AUTS2: variants seen among roughly 807,000 people sequenced by gnomAD.
AUTS2 encodes activator of transcription and developmental regulator AUTS2.
In AUTS2, 17 loss-of-function variants were observed where a neutral mutation model predicts 112.4. The observed-to-expected ratio is 0.15, with a 90% CI of 0.10 to 0.23. The LOEUF is 0.23. Ranked by LOEUF, AUTS2 falls within the 10% of genes least tolerant of loss-of-function variation. The pLI, the probability that AUTS2 is intolerant of heterozygous loss-of-function variation, is 1.00. For synonymous variants in AUTS2, 751 were observed against 702.7 expected, an observed-to-expected ratio of 1.07 and a Z score of -1.09; for missense variants, 1,510 against 1,701.6, an observed-to-expected ratio of 0.89 and a Z score of 1.98.
intron 6 of AUTS2, among the ~76,000 whole-genome samples, chr7:70,723,458 G>A (rs1786818118): frequency 6.6e-6 from 1 of 151,948 alleles, no homozygotes; most frequent in African/African-American, 2.4e-5. Context: ...GGACCAGTGG[G>A]CTGGCAAATG....
intron 4 of AUTS2, among the ~76,000 whole-genome samples, chr7:70,353,386 T>A (rs972355180): frequency 3.9e-5 from 6 of 152,172 alleles, no homozygotes; most frequent in Admixed American, 2.6e-4. Context: ...TATGGTTGTG[T>A]CCCTTAACCA....
intron 1 of AUTS2, among the ~76,000 whole-genome samples, chr7:69,680,554 T>A (rs1266343613): frequency 6.6e-6 from 1 of 152,220 alleles, no homozygotes; most frequent in Non-Finnish European, 1.5e-5. Context: ...CTCCAGAAAT[T>A]TTTCATCTTG....
rs79275953 is a variant in AUTS2 at position 69,968,582 on chromosome 7, C to G, written c.522+69084C>G. 6.1e-3 allele frequency among the ~76,000 whole-genome samples: 931 copies of G among 152,232 alleles called. 10 individuals are homozygous for G. The highest frequency in any genetic ancestry group is 0.021 in the African/African-American group (882 of 41,548). ...AGAGGTAGAGCATTGGACTGCAGAT[C>G]AAGAAATGAGATTTCCAGGAGGATC... On this transcript the variant is annotated intron_variant, in intron 2 of 18. Transcript: ENST00000342771.
intron 6 of AUTS2, among the ~76,000 whole-genome samples, chr7:70,707,250 G>C (rs1809788847): frequency 6.6e-6 from 1 of 152,200 alleles, no homozygotes; most frequent in African/African-American, 2.4e-5. Context: ...ACTGAAGTTA[G>C]ATATGAATAG....
At position 70,787,350 on chromosome 7, in the gene AUTS2, G is replaced by T. The variant is rs150219264; in HGVS notation, c.2450G>T (p.Arg817Leu). The change falls in exon 18 of 19, where the codon CGC becomes CTC. Residue 817 changes from arginine to leucine, a missense_variant. Around this residue, in one of 3 missense-constraint regions of AUTS2, gnomAD observed 788 missense variants for 797.6 expected, o/e 0.99. Coordinates refer to ENST00000342771, the MANE Select transcript of AUTS2 (RefSeq NM_015570.4). ...PPWLKPGELE[R>L]SASAAAHDRD... ...TGGCTGAAGCCAGGGGAGCTGGAGC[G>T]CAGCGCGTCCGCTGCAGCTCATGAC... 3.1e-6 allele frequency: 5 copies of T among 1,613,924 alleles called. No homozygotes were observed. The highest frequency in any genetic ancestry group is 4.2e-6 in the Non-Finnish European group (5 of 1,179,926).
intron 1 of AUTS2, among the ~76,000 whole-genome samples, chr7:69,701,275 T>C (rs1002335276): frequency 6.6e-6 from 1 of 152,236 alleles, no homozygotes; most frequent in South Asian, 2.1e-4. Flanking sequence ...TCAGAGGCCA[T>C]GCAATAAAAT....
At chr7:70,217,932 G>T (rs548717666) in intron 4 of AUTS2, among the ~76,000 whole-genome samples, 1 of 152,196 alleles carries the variant, frequency 6.6e-6, no homozygotes, top group Admixed American at 6.5e-5. Context: ...GTGTTTTCTG[G>T]TTTTTGTTTG....
chr7:69,634,114 A>ATT (rs1490560143), intron 1 of AUTS2, among the ~76,000 whole-genome samples: 4 of 150,380 alleles, frequency 2.7e-5, no homozygotes, highest in African/African-American at 9.8e-5. Context: ...GCCTCACCAG[A>ATT]CTTGATTATT....
chr7:70,278,630 C>G (rs1366683517), intron 4 of AUTS2, among the ~76,000 whole-genome samples: 2 of 149,560 alleles, frequency 1.3e-5, no homozygotes, highest in Admixed American at 1.3e-4. Context: ...TACATATGTA[C>G]ATGCATACAT....
intron 4 of AUTS2, among the ~76,000 whole-genome samples, chr7:70,207,741 G>A (rs1810642319): frequency 6.6e-6 from 1 of 152,154 alleles, no homozygotes; most frequent in African/African-American, 2.4e-5. Context: ...GCTGGGCATG[G>A]TGGCTCACGC....
intron 1 of AUTS2, among the ~76,000 whole-genome samples, chr7:69,773,458 CAAAAA>C (rs746707793): frequency 3.5e-5 from 2 of 56,398 alleles, no homozygotes. Flanking sequence ...AGGCACAGAC[CAAAAA>C]AAAAAAAAAA....
At chr7:70,326,371 T>G (rs889615319) in intron 4 of AUTS2, among the ~76,000 whole-genome samples, 4 of 152,218 alleles carry the variant, frequency 2.6e-5, no homozygotes, top group African/African-American at 7.2e-5. Flanking sequence ...GTTTTGGGGT[T>G]TTCCTTACTC....
At chr7:70,216,431 C>A (rs913828787) in intron 4 of AUTS2, among the ~76,000 whole-genome samples, 2 of 152,198 alleles carry the variant, frequency 1.3e-5, no homozygotes, top group Admixed American at 1.3e-4. Flanking sequence ...TTAGCAGATG[C>A]TCCTGGTGTC....
At chr7:69,605,689 C>T (rs764382279) in intron 1 of AUTS2, among the ~76,000 whole-genome samples, 8 of 152,188 alleles carry the variant, frequency 5.3e-5, no homozygotes, top group Non-Finnish European at 1.0e-4. Flanking sequence ...CGCTCTTTTG[C>T]TGTTACATAG....
At chr7:70,782,990 C>T (rs963375754) in intron 15 of AUTS2, 2 of 152,196 alleles carry the variant, frequency 1.3e-5, no homozygotes, top group Non-Finnish European at 2.9e-5. Context: ...GGCACCTAGG[C>T]TCTGAGACAG....
rs764985168 is a variant in AUTS2, at chr7:70,601,781, T to C, written c.691-96788T>C. On this transcript the variant is annotated intron_variant, in intron 5 of 18. Transcript: ENST00000342771. The stretch of plus-strand genomic sequence containing the variant: ...GGGGATCTCAGGAGCCCAAGATTTC[T>C]TTCAAGATCATGACCTTCACCAGCC... Among the ~76,000 whole-genome samples, 21 of 152,272 alleles carry C rather than the reference T, an allele frequency of 1.4e-4. 1 individual carries two copies. Among genetic ancestry groups the C allele is most frequent in the Middle Eastern group, 6.8e-3 (2 of 294 alleles).
At chr7:69,780,644 G>T (rs1473010823) in intron 1 of AUTS2, among the ~76,000 whole-genome samples, 5 of 152,200 alleles carry the variant, frequency 3.3e-5, no homozygotes, top group African/African-American at 1.2e-4. Context: ...TAAGTGGCTG[G>T]AGCTACACAC....
At chr7:69,701,248 C>T (rs779550047) in intron 1 of AUTS2, among the ~76,000 whole-genome samples, 8 of 152,132 alleles carry the variant, frequency 5.3e-5, no homozygotes, top group African/African-American at 1.9e-4. Context: ...GCCGAAAAGT[C>T]GTACAGGGCA....
intron 1 of AUTS2, among the ~76,000 whole-genome samples, chr7:69,712,556 T>C (rs1474401617): frequency 6.6e-6 from 1 of 152,224 alleles, no homozygotes; most frequent in Non-Finnish European, 1.5e-5. Flanking sequence ...ATATTGATAA[T>C]TTCCTTTTTA....
Sources: allele counts gnomAD v4.1 joint callset (sites outside exome capture counted in the v4.1 genomes callset), GRCh38; gene constraint gnomAD v4.1.1; regional missense constraint gnomAD v4.1.1; transcripts MANE v1.5; gene names NCBI Gene and HGNC (gene_info 2026-07-23, HGNC 2026-07-21).